Variants in DMXL2 observed in about 807,000 individuals in gnomAD.
DMXL2 encodes Dmx like 2.
DMXL2 carries 103 observed loss-of-function variants against 331.1 expected under a neutral mutation model. That is an observed-to-expected ratio of 0.31 (90% CI 0.27 to 0.37). DMXL2 has a LOEUF of 0.37. Among genes scored for constraint, DMXL2 ranks in the 10% least tolerant of loss-of-function variants. The pLI, the probability that DMXL2 is intolerant of heterozygous loss-of-function variation, is 1.00. For synonymous variants in DMXL2, 1,281 were observed against 1,252.1 expected (o/e 1.02, Z -0.49); for missense variants, 3,171 against 3,642.9 (o/e 0.87, Z 3.33).
At chr15:51,579,238 G>T (rs771751800) in intron 1 of DMXL2, among the ~76,000 whole-genome samples, 1 of 152,164 alleles carries the variant, frequency 6.6e-6, no homozygotes, top group Non-Finnish European at 1.5e-5. Flanking sequence ...CCAGAGTTAC[G>T]CAATGCCTAC....
At chr15:51,475,792 T>C (rs1248326648) in intron 27 of DMXL2, among the ~76,000 whole-genome samples, 3 of 152,120 alleles carry the variant, frequency 2.0e-5, no homozygotes, top group African/African-American at 7.2e-5. Flanking sequence ...TGTCTGTTTA[T>C]AGGAAACACA....
At chr15:51,487,614 C>T (rs1237574673) in intron 22 of DMXL2, among the ~76,000 whole-genome samples, 3 of 152,102 alleles carry the variant, frequency 2.0e-5, no homozygotes, top group African/African-American at 7.2e-5. Context: ...TGTGCCACCA[C>T]ACCTGGCTAA....
intron 10 of DMXL2, 137 bp downstream of exon 10, chr15:51,538,076 A>T: frequency 1.8e-6 from 2 of 1,112,786 alleles, no homozygotes; most frequent in Non-Finnish European, 2.6e-6. Context: ...TCCAAGGCAG[A>T]TGGTCAGTAA....
At chr15:51,466,341 A>G (rs2040567913) in intron 29 of DMXL2, 30 bp from the exon 30 acceptor site, 2 of 1,060,710 alleles carry the variant, frequency 1.9e-6, no homozygotes, top group African/African-American at 1.7e-5. Context: ...TATTTTTTTA[A>G]AGATTATAAT....
Position 51,480,891 on chromosome 15 carries a change from T to A in DMXL2, c.6215A>T (p.Gln2072Leu). Residue 2072 changes from glutamine (Q) to leucine (L), a missense_variant, in exon 24 of 44, where the codon CAA becomes CTA. Around this residue, in one of 7 missense-constraint regions of DMXL2, gnomAD observed 20 missense variants for 46.3 expected, o/e 0.43. Coordinates refer to ENST00000560891, the MANE Select transcript of DMXL2 (RefSeq NM_001378457.1). ...YEVDGGKLRF[Q>L]LYNWLEKEIA... ...TTCCTTTTCAAGCCAGTTATAGAGT[T>A]GAAATCTGAGTTTTCCTCCATCTAC... 6.2e-7 allele frequency: 1 copy of A among 1,612,894 alleles called. No individual in the cohort carries two copies.
chr15:51,509,049 G>C (rs971675637), intron 15 of DMXL2, among the ~76,000 whole-genome samples: 4 of 151,910 alleles, frequency 2.6e-5, no homozygotes, highest in African/African-American at 9.7e-5. Context: ...TTTCTGGTAT[G>C]ATACATATGA....
At chr15:51,508,575 T>C (rs2046555896) in intron 15 of DMXL2, among the ~76,000 whole-genome samples, 1 of 152,224 alleles carries the variant, frequency 6.6e-6, no homozygotes. Context: ...TTGAGTTATA[T>C]GAGTACTTCT....
Position 51,514,503 on chromosome 15 carries a change from A to G in DMXL2, c.2583T>C (p.Tyr861=). The change falls in exon 15 of 44, where the codon TAT becomes TAC. Residue 861 remains tyrosine, a synonymous_variant. Coordinates refer to ENST00000560891, the MANE Select transcript of DMXL2 (RefSeq NM_001378457.1). ...TCTCCATATCTTCCTTATGTGGTTT[A>G]TATCCTATAATGAAGTCTTCTTGAA... ...HVFQEDFIIG[Y]KPHKEDMEKK... The G allele has an allele frequency of 1.2e-6, 2 of 1,601,334 alleles. No individual in the cohort carries two copies. Among genetic ancestry groups the G allele is most frequent in the Non-Finnish European group, 1.7e-6 (2 of 1,173,776 alleles).
At chr15:51,451,357 C>G (rs1328239251) in intron 42 of DMXL2, among the ~76,000 whole-genome samples, 1 of 152,210 alleles carries the variant, frequency 6.6e-6, no homozygotes, top group African/African-American at 2.4e-5. Context: ...TACTTTGCAA[C>G]TAATTTCTTA....
intron 13 of DMXL2, among the ~76,000 whole-genome samples, chr15:51,518,739 G>A (rs760915996): frequency 6.6e-6 from 1 of 152,106 alleles, no homozygotes; most frequent in East Asian, 1.9e-4. Context: ...CACAAGAATA[G>A]TTATGTATTC....
At chr15:51,567,042 C>CTTTTTTTTTTTTTT (rs746850030) in intron 3 of DMXL2, 3 of 118,224 alleles carry the variant, frequency 2.5e-5, no homozygotes, top group Admixed American at 9.8e-5. Context: ...GTTCCAGATA[C>CTTTTTTTTTTTTTT]TTTTTTTTTT....
chr15:51,516,757 C>T (rs942749032), intron 14 of DMXL2, among the ~76,000 whole-genome samples: 7 of 152,146 alleles, frequency 4.6e-5, no homozygotes, highest in African/African-American at 1.7e-4. Flanking sequence ...TACACTGTAC[C>T]TAACATGTGG....
chr15:51,485,161 G>C (rs1470660872), intron 23 of DMXL2, among the ~76,000 whole-genome samples: 1 of 151,688 alleles, frequency 6.6e-6, no homozygotes, highest in Non-Finnish European at 1.5e-5. Flanking sequence ...AAGAAGAAAA[G>C]GGAAAAGGTG....
chr15:51,602,854 A>C (rs983976522), intron 1 of DMXL2, among the ~76,000 whole-genome samples: 8 of 152,240 alleles, frequency 5.3e-5, no homozygotes, highest in Non-Finnish European at 1.0e-4. Context: ...AGGATTTACA[A>C]AAGGCCCAGA....
intron 23 of DMXL2, among the ~76,000 whole-genome samples, chr15:51,481,952 C>T (rs1457450041): frequency 1.3e-5 from 2 of 152,048 alleles, no homozygotes; most frequent in Admixed American, 1.3e-4. Context: ...TGCATATTGG[C>T]TTATCATTTT....
intron 13 of DMXL2, among the ~76,000 whole-genome samples, chr15:51,526,144 G>C (rs1197035215): frequency 1.5e-5 from 2 of 131,372 alleles, no homozygotes; most frequent in Non-Finnish European, 3.2e-5. Context: ...GAGAGGGAGA[G>C]AGAGGGGGTG....
chr15:51,622,353 C>G (rs2054705472), intron 1 of DMXL2, 106 bp downstream of exon 1: 1 of 1,467,642 alleles, frequency 6.8e-7, no homozygotes, highest in Non-Finnish European at 9.2e-7. Context: ...GTGGGGCCCA[C>G]CAACATCTCA....
chr15:51,552,427 C>T (rs894900085), intron 6 of DMXL2, among the ~76,000 whole-genome samples: 7 of 152,166 alleles, frequency 4.6e-5, no homozygotes, highest in African/African-American at 1.7e-4. Context: ...ACCTTAGCTG[C>T]TTCTGTGATC....
intron 6 of DMXL2, among the ~76,000 whole-genome samples, chr15:51,560,612 T>C (rs2049898674): frequency 7.0e-6 from 1 of 141,866 alleles, no homozygotes; most frequent in Admixed American, 7.3e-5. Context: ...AACGCTGCAA[T>C]GAGCCGTGAC....
Sources: allele counts gnomAD v4.1 joint callset (sites outside exome capture counted in the v4.1 genomes callset), GRCh38; gene constraint gnomAD v4.1.1; regional missense constraint gnomAD v4.1.1; transcripts MANE v1.5; gene names NCBI Gene and HGNC (gene_info 2026-07-23, HGNC 2026-07-21).